Variants in GALK2 observed in about 807,000 individuals in gnomAD.
GALK2 encodes the protein galactokinase 2.
Under a neutral mutation model 52.4 loss-of-function variants are expected in GALK2, and 36 were observed. The ratio of observed to expected loss-of-function variants is 0.69; its 90% CI spans 0.53 to 0.91. The LOEUF (loss-of-function observed/expected upper bound fraction) is 0.91. Ranked by LOEUF, GALK2 falls within the 40% of genes least tolerant of loss-of-function variation. The pLI is 0.00. For synonymous variants in GALK2, 176 were observed against 199.1 expected (o/e 0.88, Z 0.98); for missense variants, 579 against 559.1 (o/e 1.04, Z -0.36).
chr15:49,287,629 A>G (rs1178133581), intron 7 of GALK2, among the ~76,000 whole-genome samples: 2 of 152,198 alleles, frequency 1.3e-5, no homozygotes, highest in East Asian at 3.8e-4. Context: ...TTTAAAAAAA[A>G]GCTTATCTCA....
At chr15:49,327,830 C>T in intron 9 of GALK2, 122 bp from the exon 10 acceptor site, 1 of 858,418 alleles carries the variant, frequency 1.2e-6, no homozygotes. Context: ...TTTGATGACA[C>T]CTAAAAACCC....
chr15:49,273,623 A>T (rs961173095), intron 5 of GALK2, among the ~76,000 whole-genome samples: 1 of 152,042 alleles, frequency 6.6e-6, no homozygotes, highest in African/African-American at 2.4e-5. Flanking sequence ...CATGTTTCAA[A>T]ACAAAGCAAG....
Position 49,283,639 on chromosome 15 carries a change from C to T in GALK2, c.677C>T (p.Ala226Val). 6.2e-7 allele frequency: 1 copy of T among 1,613,910 alleles called. No homozygotes were observed. Among genetic ancestry groups the T allele is most frequent in the Non-Finnish European group, 8.5e-7 (1 of 1,179,838 alleles). ...CCAAGTGGAGCAGTGTTTGTGATTG[C>T]CAACAGTTGTGTGGAGATGAATAAG... Reference protein sequence around the residue: ...KLPSGAVFVIANSCVEMNKAA... With the variant: ...KLPSGAVFVIVNSCVEMNKAA... The change falls in exon 7 of 10, where the codon GCC becomes GTC. Residue 226 changes from alanine (A) to valine (V), a missense_variant. Transcript: ENST00000560031.
At chr15:49,258,133 A>G (rs560058978) in intron 5 of GALK2, among the ~76,000 whole-genome samples, 15 of 152,204 alleles carry the variant, frequency 9.9e-5, no homozygotes, top group African/African-American at 3.4e-4. Flanking sequence ...TCAATTAACA[A>G]TTTTTAATAA....
intron 3 of GALK2, among the ~76,000 whole-genome samples, chr15:49,361,988 T>G (rs2044323968): frequency 1.3e-5 from 2 of 152,122 alleles, no homozygotes; most frequent in Non-Finnish European, 2.9e-5. Context: ...GCATTTCTCT[T>G]ATGATTAGTG....
chr15:49,277,166 T>A (rs1347933078), intron 5 of GALK2, among the ~76,000 whole-genome samples: 3,282 of 26,914 alleles, frequency 0.12, 415 homozygotes, highest in African/African-American at 0.34. Flanking sequence ...TTTTTTTTTT[T>A]TTTTTTTTTT....
chr15:49,169,882 C>T, upstream of GALK2: 1 of 156,428 alleles, frequency 6.4e-6, no homozygotes, highest in Admixed American at 6.3e-5. Flanking sequence ...CAATAAAGAC[C>T]AAAACCATAA....
At chr15:49,298,556 G>GA (rs2034687153) in intron 8 of GALK2, among the ~76,000 whole-genome samples, 1 of 152,068 alleles carries the variant, frequency 6.6e-6, no homozygotes, top group African/African-American at 2.4e-5. Context: ...GTTTGTTATA[G>GA]ATGGCTCTTA....
chr15:49,331,497 C>A lies in GALK2; in HGVS notation c.*3338C>A. ...ATGAAAAACTTACAATTTTAAACATCAGTGATTATTAGTTTGTAATTCTAA... is the reference window on the plus strand; with the variant it reads ...ATGAAAAACTTACAATTTTAAACATAAGTGATTATTAGTTTGTAATTCTAA... On this transcript the variant is annotated 3_prime_UTR_variant, in exon 10 of 10. Transcript: ENST00000560031. The A allele has an allele frequency of 5.8e-6, 2 of 345,894 alleles. No homozygotes were observed. Among genetic ancestry groups the A allele is most frequent in the Non-Finnish European group, 1.1e-5 (2 of 190,408 alleles). 21.4% of individuals were successfully genotyped at this position (345,894 alleles called of 1,614,324 possible). A position where few individuals can be genotyped will look rare whatever the true frequency, so the allele number is the denominator to read the frequency against.
chr15:49,216,743 G>A (rs573409682), intron 2 of GALK2, among the ~76,000 whole-genome samples: 2 of 152,204 alleles, frequency 1.3e-5, no homozygotes, highest in Non-Finnish European at 2.9e-5. Flanking sequence ...CTCCTTGGGT[G>A]CTAGCAGAGT....
intron 5 of GALK2, among the ~76,000 whole-genome samples, chr15:49,266,956 G>A (rs939719335): frequency 2.6e-5 from 4 of 152,108 alleles, no homozygotes; most frequent in African/African-American, 9.7e-5. Context: ...TTAATTTCAG[G>A]GGATTGAGAG....
chr15:49,340,579 GC>G (rs1206145003), intron 3 of GALK2, among the ~76,000 whole-genome samples: 1 of 152,098 alleles, frequency 6.6e-6, no homozygotes, highest in Non-Finnish European at 1.5e-5. Context: ...CATCTTGCCA[GC>G]AAAGTCCTTG....
intron 1 of GALK2, among the ~76,000 whole-genome samples, chr15:49,171,164 C>T (rs1001578387): frequency 6.7e-6 from 1 of 149,918 alleles, no homozygotes; most frequent in Non-Finnish European, 1.5e-5. Flanking sequence ...CTCACCGCAA[C>T]CTCCGCCTCC....
At chr15:49,358,809 G>A (rs2043648880) in intron 3 of GALK2, among the ~76,000 whole-genome samples, 1 of 152,038 alleles carries the variant, frequency 6.6e-6, no homozygotes, top group Admixed American at 6.6e-5. Flanking sequence ...AACAAAGCTG[G>A]AGACATCACA....
intron 3 of GALK2, among the ~76,000 whole-genome samples, chr15:49,339,653 T>A (rs1158442706): frequency 3.3e-5 from 5 of 152,212 alleles, no homozygotes; most frequent in Non-Finnish European, 7.3e-5. Context: ...TCTAACGCTG[T>A]GCTGGGAGAT....
chr15:49,281,688 G>A (rs1221340452), intron 5 of GALK2, among the ~76,000 whole-genome samples: 3 of 152,226 alleles, frequency 2.0e-5, no homozygotes, highest in Non-Finnish European at 2.9e-5. Flanking sequence ...GTCTAGGGAA[G>A]GATAGAGTAA....
chr15:49,250,319 GAC>G (rs1231747734), intron 5 of GALK2, among the ~76,000 whole-genome samples: 1 of 152,142 alleles, frequency 6.6e-6, no homozygotes, highest in Non-Finnish European at 1.5e-5. Context: ...CAGTATTGGA[GAC>G]ACAAAGATTT....
chr15:49,214,057 G>T (rs887355798), intron 2 of GALK2, among the ~76,000 whole-genome samples: 2 of 151,908 alleles, frequency 1.3e-5, no homozygotes, highest in African/African-American at 4.8e-5. Context: ...GAGGTGGAGC[G>T]TGCAGTGAGC....
chr15:49,362,534 A>C (rs184140144), intron 3 of GALK2, among the ~76,000 whole-genome samples: 4 of 152,286 alleles, frequency 2.6e-5, no homozygotes, highest in Non-Finnish European at 5.9e-5. Context: ...TCTTTGTCAC[A>C]TGCATAGTTT....
Sources: gnomAD v4.1 joint callset for allele counts (sites outside exome capture counted in the v4.1 genomes callset) on GRCh38, gnomAD v4.1.1 for gene constraint, MANE v1.5 for transcripts, NCBI Gene and HGNC (gene_info 2026-07-23, HGNC 2026-07-21) for gene names.